Variants in TCAIM observed in about 807,000 individuals in gnomAD.
The protein encoded by TCAIM is T-cell activation inhibitor, mitochondrial.
A neutral mutation model predicts 58.6 loss-of-function variants in TCAIM; 36 were observed. The observed-to-expected ratio is 0.61, with a 90% CI of 0.47 to 0.81. The LOEUF (loss-of-function observed/expected upper bound fraction) is 0.81. Ranked by LOEUF, TCAIM falls within the 30% of genes least tolerant of loss-of-function variation. The probability of loss-of-function intolerance (pLI) is 0.00; values close to 1 mark genes in which losing one functional copy is unlikely to be tolerated. For missense variants in TCAIM, 466 were observed against 579.6 expected, an observed-to-expected ratio of 0.80 and a Z score of 2.01; for synonymous variants, 172 against 193.6, an observed-to-expected ratio of 0.89 and a Z score of 0.93.
At position 44,407,728 on chromosome 3, in the gene TCAIM, A is replaced by T; in HGVS notation, c.*46A>T. On this transcript the variant is annotated 3_prime_UTR_variant, in exon 11 of 11. Transcript: ENST00000342649. ...TTTTAAGAGATAAGAAAGGAACTTA[A>T]ATTAAAAATATTTAAATCCACAATT... 1 of 1,495,306 alleles carries T rather than the reference A, an allele frequency of 6.7e-7. No homozygotes were observed. Among genetic ancestry groups the T allele is most frequent in the Non-Finnish European group, 8.9e-7 (1 of 1,119,350 alleles). 92.6% of individuals were successfully genotyped at this position (1,495,306 alleles called of 1,614,324 possible).
chr3:44,379,539 G>T (rs532280865), intron 5 of TCAIM, among the ~76,000 whole-genome samples: 20 of 152,166 alleles, frequency 1.3e-4, no homozygotes, highest in Admixed American at 2.6e-4. Context: ...ATACTATGTG[G>T]CCATAAAAAA....
intron 1 of TCAIM, chr3:44,340,528 G>C (rs1404688538): frequency 2.0e-5 from 3 of 152,124 alleles, no homozygotes; most frequent in African/African-American, 7.2e-5. Context: ...ACTAATTCAA[G>C]CAAAAACTTG....
At chr3:44,374,240 C>T (rs911913377) in intron 5 of TCAIM, among the ~76,000 whole-genome samples, 2 of 150,600 alleles carry the variant, frequency 1.3e-5, no homozygotes, top group African/African-American at 4.9e-5. Context: ...AGTGATAATG[C>T]ACAATTTAGT....
At chr3:44,367,816 C>T in intron 5 of TCAIM, 108 bp downstream of exon 5, 1 of 1,144,768 alleles carries the variant, frequency 8.7e-7, no homozygotes, top group Non-Finnish European at 1.2e-6. Flanking sequence ...GTGTAGTTCA[C>T]ATTTAAAATT....
intron 10 of TCAIM, among the ~76,000 whole-genome samples, chr3:44,405,916 C>A (rs1195539928): frequency 7.0e-6 from 1 of 142,424 alleles, no homozygotes; most frequent in Non-Finnish European, 1.5e-5. Flanking sequence ...CACGCCACTG[C>A]ACTCCAGCCT....
At chr3:44,363,601 C>T (rs1020038727) in intron 4 of TCAIM, among the ~76,000 whole-genome samples, 7 of 152,018 alleles carry the variant, frequency 4.6e-5, no homozygotes, top group Non-Finnish European at 7.4e-5. Flanking sequence ...TCTTCAGCTC[C>T]GTATCTTTTT....
intron 5 of TCAIM, among the ~76,000 whole-genome samples, chr3:44,389,036 A>G (rs1701789382): frequency 6.6e-6 from 1 of 152,222 alleles, no homozygotes; most frequent in Middle Eastern, 3.2e-3. Flanking sequence ...TTACGCCTGT[A>G]ATCCCGGCAC....
chr3:44,350,816 A>T lies in TCAIM; in HGVS notation c.-44-3923A>T, dbSNP rs546805701. On this transcript the variant is annotated intron_variant, in intron 1 of 10. Transcript: ENST00000342649. ...AAACATTTAATATCCTACCACCTAG[A>T]GATAGCTGTTGTTACAGATTGCATA... Among the ~76,000 whole-genome samples, 4 of 152,260 alleles carry T rather than the reference A, an allele frequency of 2.6e-5. No individual in the cohort carries two copies. In the East Asian group the frequency reaches 7.7e-4, roughly 29 times the overall value.
intron 4 of TCAIM, 92 bp from the exon 5 acceptor site, chr3:44,367,364 A>T: frequency 7.6e-7 from 1 of 1,319,550 alleles, no homozygotes; most frequent in Non-Finnish European, 9.8e-7. Flanking sequence ...TTAAATCAGT[A>T]ATAGAATGTT....
intron 5 of TCAIM, among the ~76,000 whole-genome samples, chr3:44,378,462 T>C (rs1364123273): frequency 1.3e-5 from 2 of 151,826 alleles, no homozygotes; most frequent in Non-Finnish European, 2.9e-5. Flanking sequence ...ACAGACACTT[T>C]TCAAAAGAAG....
chr3:44,357,104 T>G (rs1157381909), intron 2 of TCAIM, among the ~76,000 whole-genome samples: 1 of 152,172 alleles, frequency 6.6e-6, no homozygotes, highest in East Asian at 1.9e-4. Flanking sequence ...AAATGTTTGC[T>G]ACTATAAAGA....
chr3:44,342,675 A>G (rs1700877700), intron 1 of TCAIM, among the ~76,000 whole-genome samples: 1 of 151,814 alleles, frequency 6.6e-6, no homozygotes, highest in South Asian at 2.1e-4. Context: ...AAATACCAGG[A>G]GATTTTTTTT....
At chr3:44,356,821 A>AC (rs1194685484) in intron 2 of TCAIM, among the ~76,000 whole-genome samples, 1 of 144,778 alleles carries the variant, frequency 6.9e-6, no homozygotes, top group African/African-American at 2.5e-5. Flanking sequence ...CAAAAAAAAA[A>AC]AAAAAACAGT....
chr3:44,393,383 C>A (rs891195292), intron 6 of TCAIM, among the ~76,000 whole-genome samples: 1 of 152,084 alleles, frequency 6.6e-6, no homozygotes, highest in Non-Finnish European at 1.5e-5. Context: ...ATCACTTAAG[C>A]CCAGGAGCTT....
chr3:44,400,951 A>C, intron 9 of TCAIM: 1 of 510,278 alleles, frequency 2.0e-6, no homozygotes, highest in Non-Finnish European at 3.5e-6. Context: ...TAGCTCTCAC[A>C]ACCTCACTGT....
chr3:44,358,199 C>G, intron 3 of TCAIM: 3 of 1,560,208 alleles, frequency 1.9e-6, no homozygotes, highest in Non-Finnish European at 2.6e-6. Flanking sequence ...CAATCTCTCT[C>G]TCTTTTTTTT....
intron 5 of TCAIM, among the ~76,000 whole-genome samples, chr3:44,371,518 A>C (rs1312857114): frequency 6.6e-6 from 1 of 152,190 alleles, no homozygotes; most frequent in Non-Finnish European, 1.5e-5. Flanking sequence ...AAGACAAGAC[A>C]AGGAATACTG....
intron 2 of TCAIM, among the ~76,000 whole-genome samples, chr3:44,355,891 T>C (rs888634324): frequency 6.6e-6 from 1 of 152,194 alleles, no homozygotes; most frequent in Non-Finnish European, 1.5e-5. Context: ...ATGTCAGACG[T>C]TGGGAAATGA....
At chr3:44,380,216 T>C (rs890852545) in intron 5 of TCAIM, among the ~76,000 whole-genome samples, 9 of 152,080 alleles carry the variant, frequency 5.9e-5, no homozygotes, top group Non-Finnish European at 1.2e-4. Context: ...GTCTGATAGA[T>C]CAGTAAGGTG....
Sources: gnomAD v4.1 joint callset for allele counts (sites outside exome capture counted in the v4.1 genomes callset) on GRCh38, gnomAD v4.1.1 for gene constraint, MANE v1.5 for transcripts, NCBI Gene and HGNC (gene_info 2026-07-23, HGNC 2026-07-21) for gene names.